The following XKR4 variants were observed in gnomAD, a reference collection of about 807,000 sequenced individuals.
XKR4 encodes the protein XK related 4.
XKR4 carries 12 observed loss-of-function variants against 53.9 expected under a neutral mutation model. That is an observed-to-expected ratio of 0.22 (90% confidence interval 0.14 to 0.36). The LOEUF (loss-of-function observed/expected upper bound fraction) is 0.36. Among genes scored for constraint, XKR4 ranks in the 10% least tolerant of loss-of-function variants. The pLI, the probability that XKR4 is intolerant of heterozygous loss-of-function variation, is 1.00. For synonymous variants in XKR4, 354 were observed against 362.4 expected, an observed-to-expected ratio of 0.98 and a Z score of 0.26; for missense variants, 799 against 859.5, an observed-to-expected ratio of 0.93 and a Z score of 0.88.
intron 2 of XKR4, among the ~76,000 whole-genome samples, chr8:55,364,342 C>T (rs1803942017): frequency 6.6e-6 from 1 of 152,254 alleles, no homozygotes; most frequent in Non-Finnish European, 1.5e-5. Flanking sequence ...GGGCCCACCG[C>T]CTCAGCTGGA....
In XKR4 at chr8:55,102,909, C is replaced by G. The variant is rs774848466; in HGVS notation, c.421C>G (p.Gln141Glu). The change falls in exon 1 of 3, where the codon CAG becomes GAG. Residue 141 changes from glutamine (Q) to glutamate (E), a missense_variant. Gln to Glu is a conservative substitution (Grantham distance 29, BLOSUM62 2). Around this residue, in one of 3 missense-constraint regions of XKR4, gnomAD observed 476 missense variants for 505.4 expected, o/e 0.94. Transcript: ENST00000327381. The surrounding 1 kb of genome is among the most constrained non-coding windows in gnomAD (Gnocchi z 5.1). Reference sequence around the variant, plus strand: ...CGCCGTGGACTACTACCTGCGCGGCCAGCGCTGGTGGTTCGGGCTCACGCT... The same window carrying G: ...CGCCGTGGACTACTACCTGCGCGGCGAGCGCTGGTGGTTCGGGCTCACGCT... ...WLAVDYYLRG[Q>E]RWWFGLTLFF... The G allele has an allele frequency of 5.0e-6, 8 of 1,612,078 alleles. No individual in the cohort carries two copies. The South Asian group carries it at 7.7e-5, about 15-fold the overall frequency.
At chr8:55,494,078 T>C (rs1435798337) in intron 2 of XKR4, among the ~76,000 whole-genome samples, 2 of 152,260 alleles carry the variant, frequency 1.3e-5, no homozygotes, top group Non-Finnish European at 2.9e-5. Context: ...ATCCCACGCC[T>C]GCCAAGGGCA....
chr8:55,238,647 T>C (rs1021623042), intron 1 of XKR4, among the ~76,000 whole-genome samples: 5 of 151,994 alleles, frequency 3.3e-5, no homozygotes, highest in Non-Finnish European at 7.4e-5. Flanking sequence ...CAAGAGAGGC[T>C]GGGATGTAGG....
In XKR4 at chr8:55,457,146, C is replaced by CTTTTCTTTTTTTTTTTTTTTT. The variant is rs533607534; in HGVS notation, c.1007-66131_1007-66130insCTTTTTTTTTTTTTTTTTTTT. On this transcript the variant is annotated intron_variant, in intron 2 of 2. Coordinates refer to ENST00000327381, the MANE Select transcript of XKR4 (RefSeq NM_052898.2). ...CAAGTGCTGAATTTTTTTTCCTTTT[C>CTTTTCTTTTTTTTTTTTTTTT]TTTTTTTTTTTTTTGAGACTGAGTC... 6.3e-4 allele frequency among the ~76,000 whole-genome samples: 86 copies of CTTTTCTTTTTTTTTTTTTTTT among 137,212 alleles called. 16 individuals carry two copies. Among genetic ancestry groups the CTTTTCTTTTTTTTTTTTTTTT allele is most frequent in the East Asian group, 1.3e-3 (6 of 4,682 alleles). The allele number at this position is 137,212 out of a possible 152,430, so 90.0% of individuals were successfully genotyped here.
At chr8:55,156,722 A>G (rs955053729) in intron 1 of XKR4, among the ~76,000 whole-genome samples, 1 of 152,210 alleles carries the variant, frequency 6.6e-6, no homozygotes, top group African/African-American at 2.4e-5. Flanking sequence ...AACGTTAATA[A>G]AAGTTAAAAA....
chr8:55,122,790 C>T (rs553625110), intron 1 of XKR4, among the ~76,000 whole-genome samples: 1 of 152,238 alleles, frequency 6.6e-6, no homozygotes, highest in South Asian at 2.1e-4. Context: ...CAGCAAAGTG[C>T]CTGCCCTTTT....
chr8:55,514,873 A>T (rs1806687641), intron 2 of XKR4, among the ~76,000 whole-genome samples: 1 of 152,104 alleles, frequency 6.6e-6, no homozygotes, highest in South Asian at 2.1e-4. Flanking sequence ...CATTTACAGA[A>T]TTTTTTTCTC....
intron 1 of XKR4, among the ~76,000 whole-genome samples, chr8:55,187,319 A>AG (rs1055763094): frequency 1.3e-5 from 2 of 151,700 alleles, no homozygotes; most frequent in Non-Finnish European, 2.9e-5. Flanking sequence ...AAAAAAAAAA[A>AG]AAAAAAGAAG....
chr8:55,482,322 C>T (rs1226355394), intron 2 of XKR4, among the ~76,000 whole-genome samples: 1 of 152,054 alleles, frequency 6.6e-6, no homozygotes, highest in Non-Finnish European at 1.5e-5. Flanking sequence ...CGTATGTTCT[C>T]ACTCATAGGT....
intron 2 of XKR4, among the ~76,000 whole-genome samples, chr8:55,376,872 C>T (rs191188314): frequency 5.9e-5 from 9 of 151,946 alleles, no homozygotes; most frequent in Admixed American, 5.2e-4. Flanking sequence ...TCTCATCTCT[C>T]ACCCTCTCTC....
intron 1 of XKR4, among the ~76,000 whole-genome samples, chr8:55,339,401 A>G (rs1373303512): frequency 6.6e-6 from 1 of 152,194 alleles, no homozygotes; most frequent in Non-Finnish European, 1.5e-5. Flanking sequence ...TTTACCAATT[A>G]AGCACATATT....
intron 1 of XKR4, among the ~76,000 whole-genome samples, chr8:55,300,472 T>C (rs1819176062): frequency 6.6e-6 from 1 of 151,144 alleles, no homozygotes. Context: ...AAGGTGGGAG[T>C]CCTCGAGGGC....
At chr8:55,364,633 G>C (rs1338461008) in intron 2 of XKR4, among the ~76,000 whole-genome samples, 1 of 150,788 alleles carries the variant, frequency 6.6e-6, no homozygotes, top group Non-Finnish European at 1.5e-5. Flanking sequence ...TGTTTTGTTG[G>C]GGTTTTTTTT....
intron 1 of XKR4, chr8:55,135,129 C>A: frequency 6.6e-6 from 1 of 152,608 alleles, no homozygotes. Flanking sequence ...ACATTTGTAC[C>A]AACCTAATAT....
At chr8:55,423,839 C>T (rs1585566373) in intron 2 of XKR4, among the ~76,000 whole-genome samples, 1 of 152,192 alleles carries the variant, frequency 6.6e-6, no homozygotes, top group African/African-American at 2.4e-5. Context: ...TCTTGTCAGA[C>T]CCAGTCAAAC....
At chr8:55,246,291 G>C (rs929829943) in intron 1 of XKR4, among the ~76,000 whole-genome samples, 1 of 152,330 alleles carries the variant, frequency 6.6e-6, no homozygotes, top group East Asian at 1.9e-4. Flanking sequence ...CAGTGCCTCA[G>C]GGGCAGTGGA....
intron 2 of XKR4, among the ~76,000 whole-genome samples, chr8:55,399,788 C>G (rs1470370110): frequency 1.3e-5 from 2 of 152,162 alleles, no homozygotes; most frequent in Admixed American, 1.3e-4. Flanking sequence ...GGCGAGTTAA[C>G]CTAAGAACAG....
At chr8:55,104,708 A>G (rs941753797) in intron 1 of XKR4, among the ~76,000 whole-genome samples, 5 of 150,642 alleles carry the variant, frequency 3.3e-5, no homozygotes, top group African/African-American at 1.2e-4. Context: ...TTTCTGAAAA[A>G]GTGATATTTG....
chr8:55,318,053 T>G (rs1193096564), intron 1 of XKR4, among the ~76,000 whole-genome samples: 1 of 152,250 alleles, frequency 6.6e-6, no homozygotes, highest in Non-Finnish European at 1.5e-5. Flanking sequence ...AAGGTTGGAC[T>G]GAAACCAGTA....
Sources: allele counts gnomAD v4.1 joint callset (sites outside exome capture counted in the v4.1 genomes callset), GRCh38; gene constraint gnomAD v4.1.1; regional missense constraint gnomAD v4.1.1; non-coding constraint Gnocchi (gnomAD v3.1); transcripts MANE v1.5; gene names NCBI Gene and HGNC (gene_info 2026-07-23, HGNC 2026-07-21).